The following IGF1R variants were observed in gnomAD, a reference collection of about 807,000 sequenced individuals.
IGF1R encodes the protein insulin like growth factor 1 receptor.
In IGF1R, 44 loss-of-function variants were observed where a neutral mutation model predicts 144.6. That is an observed-to-expected ratio of 0.30 (90% CI 0.24 to 0.39). The LOEUF (loss-of-function observed/expected upper bound fraction) is 0.39, where lower values mean the gene tolerates loss of function less well. IGF1R is among the 10% of genes least tolerant of loss of function. The pLI, the probability that IGF1R is intolerant of heterozygous loss-of-function variation, is 1.00. For synonymous variants in IGF1R, 795 were observed against 722.8 expected, an observed-to-expected ratio of 1.10 and a Z score of -1.60; for missense variants, 1,355 against 1,833.7, an observed-to-expected ratio of 0.74 and a Z score of 4.77.
chr15:98,808,623 G>T (rs904691330), intron 2 of IGF1R, among the ~76,000 whole-genome samples: 1 of 152,026 alleles, frequency 6.6e-6, no homozygotes, highest in Non-Finnish European at 1.5e-5. Flanking sequence ...GCCTATAGTC[G>T]TGTGGAACCT....
At chr15:98,764,556 A>G (rs1166817708) in intron 2 of IGF1R, among the ~76,000 whole-genome samples, 1 of 152,242 alleles carries the variant, frequency 6.6e-6, no homozygotes, top group Non-Finnish European at 1.5e-5. Flanking sequence ...TAGCACAGAA[A>G]AGAGGACATT....
intron 2 of IGF1R, among the ~76,000 whole-genome samples, chr15:98,728,714 C>T (rs2054425337): frequency 6.6e-6 from 1 of 152,244 alleles, no homozygotes; most frequent in Non-Finnish European, 1.5e-5. Context: ...GGAGTGCATT[C>T]TGCACTCTCC....
chr15:98,664,447 C>T (rs1177230119), intron 1 of IGF1R, among the ~76,000 whole-genome samples: 1 of 152,056 alleles, frequency 6.6e-6, no homozygotes, highest in Non-Finnish European at 1.5e-5. Flanking sequence ...AGCGGATCAC[C>T]TGAAATCAGG....
chr15:98,691,944 A>G (rs933671630), intron 1 of IGF1R, among the ~76,000 whole-genome samples: 4 of 152,202 alleles, frequency 2.6e-5, no homozygotes, highest in Admixed American at 6.5e-5. Flanking sequence ...TGCTCCTCCC[A>G]AAAGTAGGAG....
intron 1 of IGF1R, among the ~76,000 whole-genome samples, chr15:98,668,286 G>A (rs1356038007): frequency 2.0e-5 from 3 of 152,162 alleles, no homozygotes; most frequent in Non-Finnish European, 4.4e-5. Context: ...GGGGGTTGGG[G>A]CTTCAGTATA....
intron 2 of IGF1R, among the ~76,000 whole-genome samples, chr15:98,762,300 C>A (rs1408214451): frequency 4.1e-5 from 6 of 145,412 alleles, no homozygotes; most frequent in African/African-American, 1.5e-4. Context: ...TGCACTGGCA[C>A]GCGCATAGCC....
chr15:98,831,900 G>A (rs2057008263), intron 2 of IGF1R, among the ~76,000 whole-genome samples: 1 of 152,072 alleles, frequency 6.6e-6, no homozygotes, highest in African/African-American at 2.4e-5. Flanking sequence ...AGGCCGTAGT[G>A]TTCCTCTTTG....
At chr15:98,652,453 G>A (rs1044518035) in intron 1 of IGF1R, among the ~76,000 whole-genome samples, 1 of 152,188 alleles carries the variant, frequency 6.6e-6, no homozygotes, top group Non-Finnish European at 1.5e-5. Context: ...AACCTAAACA[G>A]CAAATTATAG....
intron 2 of IGF1R, among the ~76,000 whole-genome samples, chr15:98,832,340 A>T (rs1340299442): frequency 1.3e-5 from 2 of 152,166 alleles, no homozygotes. Context: ...CAAGTGCCTT[A>T]TTCCCCACAG....
chr15:98,828,012 C>A (rs2670497), intron 2 of IGF1R, among the ~76,000 whole-genome samples: 18,881 of 152,078 alleles, frequency 0.12, 2,786 homozygotes, highest in African/African-American at 0.35. Context: ...ATTGGTAGTA[C>A]GCCTCCAAAA....
intron 2 of IGF1R, among the ~76,000 whole-genome samples, chr15:98,884,454 G>A (rs533342719): frequency 6.6e-6 from 1 of 152,024 alleles, no homozygotes; most frequent in Admixed American, 6.5e-5. Context: ...CAGCACTTTG[G>A]GAGGCCAAGG....
At chr15:98,702,922 G>C (rs74837118) in intron 1 of IGF1R, among the ~76,000 whole-genome samples, 2,664 of 152,278 alleles carry the variant, frequency 0.017, 57 homozygotes, top group South Asian at 0.094. Context: ...GGGTGACAGA[G>C]TGAGACCACG....
intron 1 of IGF1R, among the ~76,000 whole-genome samples, chr15:98,672,255 C>T (rs1422144947): frequency 6.6e-6 from 1 of 152,194 alleles, no homozygotes; most frequent in Non-Finnish European, 1.5e-5. Flanking sequence ...TTTCCCACAA[C>T]TCTTTTCATG....
intron 2 of IGF1R, among the ~76,000 whole-genome samples, chr15:98,755,824 A>G (rs1300270078): frequency 6.8e-6 from 1 of 147,708 alleles, no homozygotes; most frequent in Non-Finnish European, 1.5e-5. Flanking sequence ...AGTTTTGGTA[A>G]ATATAGTTTA....
intron 1 of IGF1R, among the ~76,000 whole-genome samples, chr15:98,695,655 A>G (rs1329356245): frequency 6.6e-6 from 1 of 152,194 alleles, no homozygotes; most frequent in African/African-American, 2.4e-5. Flanking sequence ...ACAATCTCAG[A>G]AATGTGCAGC....
chr15:98,918,512 C>T (rs1033266767), intron 10 of IGF1R, among the ~76,000 whole-genome samples: 1 of 152,142 alleles, frequency 6.6e-6, no homozygotes, highest in Admixed American at 6.5e-5. Flanking sequence ...GAACTGGAGG[C>T]ATTATTTCCT....
intron 1 of IGF1R, among the ~76,000 whole-genome samples, chr15:98,681,479 A>G (rs1221270584): frequency 6.6e-6 from 1 of 152,212 alleles, no homozygotes; most frequent in Non-Finnish European, 1.5e-5. Context: ...TCCAAGGAGT[A>G]GTTCAAGGAT....
chr15:98,754,060 G>A (rs983920551), intron 2 of IGF1R, among the ~76,000 whole-genome samples: 10 of 152,094 alleles, frequency 6.6e-5, no homozygotes, highest in African/African-American at 2.2e-4. Context: ...TATATTTAAC[G>A]CACAATTTAA....
intron 2 of IGF1R, among the ~76,000 whole-genome samples, chr15:98,855,040 C>T (rs918222697): frequency 2.0e-5 from 3 of 152,198 alleles, no homozygotes; most frequent in Non-Finnish European, 4.4e-5. Flanking sequence ...CACCTTCATA[C>T]AGCCCCTGCG....
Sources: gnomAD v4.1 joint callset for allele counts (sites outside exome capture counted in the v4.1 genomes callset) on GRCh38, gnomAD v4.1.1 for gene constraint, MANE v1.5 for transcripts, NCBI Gene and HGNC (gene_info 2026-07-23, HGNC 2026-07-21) for gene names.